CD99: variants seen among roughly 807,000 people sequenced by gnomAD.
The protein encoded by CD99 is CD99 antigen.
CD99 carries 19 observed loss-of-function variants against 28.4 expected under a neutral mutation model. The ratio of observed to expected loss-of-function variants is 0.67; its 90% CI spans 0.47 to 0.98. CD99 has a LOEUF of 0.98. Among genes scored for constraint, CD99 ranks in the 50% least tolerant of loss-of-function variants. CD99 has a pLI of 0.00. For synonymous variants in CD99, 103 were observed against 92.1 expected, an observed-to-expected ratio of 1.12 and a Z score of -0.67; for missense variants, 283 against 248.8, an observed-to-expected ratio of 1.14 and a Z score of -0.92.
At chrX:2,736,634 G>A (rs2049954788) in intron 8 of CD99, among the ~76,000 whole-genome samples, 1 of 151,896 alleles carries the variant, frequency 6.6e-6, no homozygotes, top group South Asian at 2.1e-4. Flanking sequence ...GAGGTGGGCG[G>A]ATCACAAGGT....
intron 8 of CD99, among the ~76,000 whole-genome samples, chrX:2,732,570 TCTC>T (rs1316095783): frequency 7.1e-6 from 1 of 140,432 alleles, no homozygotes; most frequent in African/African-American, 2.6e-5. Flanking sequence ...TCCCTCTCTC[TCTC>T]TTTTCATTCT....
chrX:2,710,332 G>A (rs1173882036), intron 1 of CD99, among the ~76,000 whole-genome samples: 1 of 152,080 alleles, frequency 6.6e-6, no homozygotes, highest in African/African-American at 2.4e-5. Context: ...CTTGACTGCC[G>A]TTTCTGAGTA....
chrX:2,706,309 A>C (rs969248450), intron 1 of CD99, among the ~76,000 whole-genome samples: 3 of 152,034 alleles, frequency 2.0e-5, no homozygotes, highest in African/African-American at 7.3e-5. Flanking sequence ...GCAGTGAGCC[A>C]AAATCGGGCC....
chrX:2,722,126 A>C (rs1423894229), intron 5 of CD99, among the ~76,000 whole-genome samples: 1 of 151,730 alleles, frequency 6.6e-6, no homozygotes, highest in African/African-American at 2.4e-5. Flanking sequence ...TTTACTTTTA[A>C]AATTAAAAAA....
At chrX:2,732,813 TC>T (rs1280036601) in intron 8 of CD99, among the ~76,000 whole-genome samples, 11 of 148,362 alleles carry the variant, frequency 7.4e-5, no homozygotes, top group East Asian at 6.1e-4. Flanking sequence ...TTTCTTTTTT[TC>T]CTCTCTATTC....
At chrX:2,722,295 C>T (rs1286913291) in intron 5 of CD99, among the ~76,000 whole-genome samples, 2 of 152,048 alleles carry the variant, frequency 1.3e-5, no homozygotes, top group Non-Finnish European at 2.9e-5. Context: ...ATTATGCTCA[C>T]GTTTTTCCAC....
intron 1 of CD99, among the ~76,000 whole-genome samples, chrX:2,711,691 A>G (rs1205829667): frequency 6.6e-6 from 1 of 152,188 alleles, no homozygotes; most frequent in East Asian, 1.9e-4. Context: ...TAAAGCTATT[A>G]AATGAACAAA....
chrX:2,695,779 A>G (rs1265063757), intron 1 of CD99, among the ~76,000 whole-genome samples: 2 of 151,988 alleles, frequency 1.3e-5, no homozygotes, highest in Non-Finnish European at 2.9e-5. Context: ...GAATACAGGC[A>G]CATGTCACCA....
chrX:2,707,826 T>C (rs952183051), intron 1 of CD99, among the ~76,000 whole-genome samples: 2 of 152,174 alleles, frequency 1.3e-5, no homozygotes, highest in African/African-American at 4.8e-5. Flanking sequence ...TTTGTTGGTG[T>C]TTTCTTCACA....
Position 2,691,374 on chromosome X carries a change from C to T in CD99, c.14C>T (p.Ala5Val). The T allele has an allele frequency of 6.3e-7, 1 of 1,575,910 alleles. No homozygotes were observed. The highest frequency in any genetic ancestry group is 8.5e-7 in the Non-Finnish European group (1 of 1,170,980). Residue 5 changes from alanine to valine, a missense_variant, in exon 1 of 10, where the codon GCT becomes GTT. Physicochemically the swap from Ala to Val is moderately conservative, Grantham distance 64 (BLOSUM62 0). Transcript: ENST00000381192. MARG[A>V]ALALLLFGLL... ...TCTGGGCGCACCATGGCCCGCGGGG[C>T]TGCGCTGGCGCTGCTGCTCTTCGGC...
chrX:2,719,452 C>T, intron 3 of CD99: 1 of 629,046 alleles, frequency 1.6e-6, no homozygotes, highest in Non-Finnish European at 2.9e-6. Flanking sequence ...CTGTCTCTGT[C>T]TCTCTGTTTT....
chrX:2,728,612 G>A (rs1158709664), intron 8 of CD99, among the ~76,000 whole-genome samples: 1 of 152,180 alleles, frequency 6.6e-6, no homozygotes, highest in Non-Finnish European at 1.5e-5. Flanking sequence ...AAAGCAAACA[G>A]CATAACATTC....
chrX:2,730,133 G>A (rs977852036), intron 8 of CD99, among the ~76,000 whole-genome samples: 25 of 152,004 alleles, frequency 1.6e-4, no homozygotes, highest in African/African-American at 3.9e-4. Flanking sequence ...CAGCCTGGAC[G>A]ACAGACAGAG....
chrX:2,699,138 CTTTTCT>C (rs1170738470), intron 1 of CD99, among the ~76,000 whole-genome samples: 10 of 135,554 alleles, frequency 7.4e-5, no homozygotes, highest in African/African-American at 3.8e-4. Flanking sequence ...CTCTTCTTTT[CTTTTCT>C]TTTGTTTTCT....
intron 8 of CD99, among the ~76,000 whole-genome samples, chrX:2,735,024 CT>C (rs1193161522): frequency 6.6e-6 from 1 of 152,102 alleles, no homozygotes; most frequent in African/African-American, 2.4e-5. Flanking sequence ...CCCCCCAACT[CT>C]TTGAAGGATG....
intron 1 of CD99, among the ~76,000 whole-genome samples, chrX:2,697,143 G>A (rs1001323947): frequency 1.3e-5 from 2 of 152,106 alleles, no homozygotes; most frequent in Non-Finnish European, 2.9e-5. Context: ...CTTTTGTTCC[G>A]CTCCCTCTGT....
At chrX:2,731,951 C>T (rs1276698836) in intron 8 of CD99, among the ~76,000 whole-genome samples, 2 of 147,114 alleles carry the variant, frequency 1.4e-5, no homozygotes, top group African/African-American at 5.0e-5. Flanking sequence ...ATAGCAAGAC[C>T]TCGTGTCTAC....
chrX:2,718,543 G>T (rs1233408418), intron 3 of CD99, among the ~76,000 whole-genome samples: 5 of 151,844 alleles, frequency 3.3e-5, no homozygotes, highest in African/African-American at 1.2e-4. Flanking sequence ...TAATTTTTTT[G>T]TATTTTTAGT....
chrX:2,714,354 A>C (rs1284252209), intron 1 of CD99, 68 bp from the exon 2 acceptor site: 87 of 1,083,652 alleles, frequency 8.0e-5, no homozygotes, highest in Non-Finnish European at 1.1e-4. Context: ...TATCTTTTTT[A>C]TCTCTATAAT....
Sources: allele counts gnomAD v4.1 joint callset (sites outside exome capture counted in the v4.1 genomes callset), GRCh38; gene constraint gnomAD v4.1.1; transcripts MANE v1.5; gene names NCBI Gene and HGNC (gene_info 2026-07-23, HGNC 2026-07-21).